CDH23: variants seen among roughly 807,000 people sequenced by gnomAD.
CDH23 encodes the protein cadherin-23.
CDH23 carries 189 observed loss-of-function variants against 317.1 expected under a neutral mutation model. That is an observed-to-expected ratio of 0.60 (90% CI 0.53 to 0.67). The LOEUF (loss-of-function observed/expected upper bound fraction) is 0.67, where lower values mean the gene tolerates loss of function less well. Ranked by LOEUF, CDH23 falls within the 30% of genes least tolerant of loss-of-function variation. The pLI, the probability that CDH23 is intolerant of heterozygous loss-of-function variation, is 0.00. For synonymous variants in CDH23, 1,839 were observed against 1,876.8 expected, an observed-to-expected ratio of 0.98 and a Z score of 0.52; for missense variants, 4,401 against 4,592.4, an observed-to-expected ratio of 0.96 and a Z score of 1.20.
intron 15 of CDH23, among the ~76,000 whole-genome samples, chr10:71,675,710 T>C (rs542058885): frequency 6.6e-6 from 1 of 152,258 alleles, no homozygotes; most frequent in Admixed American, 6.5e-5. Flanking sequence ...CATGTGACCT[T>C]CACCACTAGG....
chr10:71,529,444 G>A (rs189110206), intron 6 of CDH23, among the ~76,000 whole-genome samples: 65 of 152,324 alleles, frequency 4.3e-4, no homozygotes, highest in Non-Finnish European at 5.7e-4. Flanking sequence ...AGGAAGCTGC[G>A]TATCCTGGAG....
chr10:71,622,668 G>T (rs74145208), intron 11 of CDH23, among the ~76,000 whole-genome samples: 160 of 152,266 alleles, frequency 1.1e-3, no homozygotes, highest in African/African-American at 3.7e-3. Flanking sequence ...CCTCTCATCC[G>T]CTGTCAGGAG....
At chr10:71,664,973 G>C (rs980896661) in intron 14 of CDH23, among the ~76,000 whole-genome samples, 3 of 151,854 alleles carry the variant, frequency 2.0e-5, no homozygotes. Context: ...CATCTACTCA[G>C]GATTAAGATC....
intron 41 of CDH23, 120 bp from the exon 42 acceptor site, chr10:71,784,167 G>T: frequency 1.9e-6 from 2 of 1,079,936 alleles, no homozygotes; most frequent in South Asian, 1.7e-5. Context: ...GAGGACCCGG[G>T]CCCCAGCTGT....
chr10:71,559,835 T>A (rs1396971184), intron 6 of CDH23, among the ~76,000 whole-genome samples: 1 of 152,228 alleles, frequency 6.6e-6, no homozygotes, highest in Non-Finnish European at 1.5e-5. Context: ...AAAGAAGAGA[T>A]GTCGTCAAAT....
intron 1 of CDH23, among the ~76,000 whole-genome samples, chr10:71,412,801 T>C (rs1221669720): frequency 6.6e-6 from 1 of 152,212 alleles, no homozygotes; most frequent in Non-Finnish European, 1.5e-5. Flanking sequence ...TGTATATCTT[T>C]TATGGCAAAA....
chr10:71,521,994 G>A lies in CDH23; in HGVS notation c.429+10782G>A, dbSNP rs147914874. Among the ~76,000 whole-genome samples the A allele has an allele frequency of 3.9e-5, 6 of 152,222 alleles. No homozygotes were observed. In the East Asian group the frequency reaches 9.7e-4, roughly 25 times the overall value. On this transcript the variant is annotated intron_variant, in intron 6 of 69. Transcript: ENST00000224721. ...CTTGGGCGAGTCGTCTCACTTCCAGGGCTCAGCTGCTCCTCTGTAAATGCT... is the reference window on the plus strand; with the variant it reads ...CTTGGGCGAGTCGTCTCACTTCCAGAGCTCAGCTGCTCCTCTGTAAATGCT...
intron 38 of CDH23, among the ~76,000 whole-genome samples, chr10:71,746,319 C>T (rs1839851708): frequency 1.3e-5 from 2 of 152,350 alleles, no homozygotes; most frequent in African/African-American, 4.8e-5. Context: ...TCTCTGAGTC[C>T]CTCCAGCTCT....
intron 14 of CDH23, among the ~76,000 whole-genome samples, chr10:71,653,106 C>G (rs1270295696): frequency 6.6e-6 from 1 of 152,140 alleles, no homozygotes; most frequent in Non-Finnish European, 1.5e-5. Context: ...TTCACTTCCC[C>G]CTCCTAGAGC....
intron 3 of CDH23, among the ~76,000 whole-genome samples, chr10:71,507,422 T>C (rs1375436534): frequency 6.6e-6 from 1 of 152,252 alleles, no homozygotes; most frequent in Non-Finnish European, 1.5e-5. Context: ...CCGGACATGG[T>C]GGCTCGCACC....
chr10:71,660,835 G>C (rs1037944169), intron 14 of CDH23, among the ~76,000 whole-genome samples: 3 of 152,126 alleles, frequency 2.0e-5, no homozygotes, highest in African/African-American at 7.2e-5. Context: ...AGAATTATGT[G>C]GGCTTCAGTG....
intron 1 of CDH23, among the ~76,000 whole-genome samples, chr10:71,404,072 G>A (rs144077032): frequency 0.017 from 2,660 of 152,266 alleles, 86 homozygotes; most frequent in African/African-American, 0.061. Context: ...AGCCTGGGCG[G>A]CAGAGCAAGA....
At chr10:71,481,085 TTGAGATCCC>T (rs1852040426) in intron 3 of CDH23, among the ~76,000 whole-genome samples, 1 of 151,994 alleles carries the variant, frequency 6.6e-6, no homozygotes, top group Non-Finnish European at 1.5e-5. Context: ...AAAGGGGACT[TTGAGATCCC>T]TGGGGAGCCC....
Position 71,602,719 on chromosome 10 carries a change from C to A in CDH23, c.833-12785C>A, listed in dbSNP as rs534032041. Among the ~76,000 whole-genome samples, 23 of 152,310 alleles carry A rather than the reference C, an allele frequency of 1.5e-4. No individual in the cohort carries two copies. The East Asian group carries it at 4.4e-3, about 29-fold the overall frequency. On this transcript the variant is annotated intron_variant, in intron 9 of 69. Coordinates refer to ENST00000224721, the MANE Select transcript of CDH23 (RefSeq NM_022124.6). ...CAGTCTGTGGCACTGCACAGCTCCA[C>A]CTGCCCCAGGCACCCAGTTCACCAT... is the stretch of plus-strand genomic sequence containing the variant.
chr10:71,542,543 G>A (rs187686258), intron 6 of CDH23, among the ~76,000 whole-genome samples: 105 of 152,336 alleles, frequency 6.9e-4, no homozygotes, highest in Non-Finnish European at 1.1e-3. Flanking sequence ...CAGTTCTCCA[G>A]GGCCCCCTCT....
intron 3 of CDH23, among the ~76,000 whole-genome samples, chr10:71,491,064 C>A (rs753189772): frequency 6.6e-5 from 10 of 152,178 alleles, no homozygotes; most frequent in Non-Finnish European, 1.5e-4. Context: ...GGCTCCCCCA[C>A]CAACCTGGGT....
At chr10:71,499,646 C>T (rs536190235) in intron 3 of CDH23, among the ~76,000 whole-genome samples, 1 of 151,758 alleles carries the variant, frequency 6.6e-6, no homozygotes, top group Non-Finnish European at 1.5e-5. Flanking sequence ...TTGAGATCAG[C>T]CTGACCAACA....
At chr10:71,732,733 A>G in intron 32 of CDH23, 1 of 1,161,004 alleles carries the variant, frequency 8.6e-7, no homozygotes, top group Non-Finnish European at 1.1e-6. Context: ...GCAGGCTGGT[A>G]TCCTTCTGTT....
At chr10:71,759,755 T>TGAGCG (rs533870784) in intron 38 of CDH23, among the ~76,000 whole-genome samples, 2 of 150,728 alleles carry the variant, frequency 1.3e-5, no homozygotes, top group South Asian at 4.2e-4. Flanking sequence ...GAGGTTGCAG[T>TGAGCG]GAGCCCAGAT....
Sources: allele counts gnomAD v4.1 joint callset (sites outside exome capture counted in the v4.1 genomes callset), GRCh38; gene constraint gnomAD v4.1.1; transcripts MANE v1.5; gene names NCBI Gene and HGNC (gene_info 2026-07-23, HGNC 2026-07-21).